NRXN1: variants seen among roughly 807,000 people sequenced by gnomAD.
NRXN1 encodes the protein neurexin 1, also known as neurexin-1.
A neutral mutation model predicts 150.9 loss-of-function variants in NRXN1; 39 were observed. The observed-to-expected ratio is 0.26, with a 90% CI of 0.20 to 0.34. The LOEUF (loss-of-function observed/expected upper bound fraction) is 0.34. Among genes scored for constraint, NRXN1 ranks in the 10% least tolerant of loss-of-function variants. The pLI is 1.00. For missense variants in NRXN1, 1,815 were observed against 1,949.9 expected (o/e 0.93, Z 1.30); for synonymous variants, 924 against 757.0 (o/e 1.22, Z -3.62).
chr2:50,965,157 C>T (rs1278285786), intron 2 of NRXN1, among the ~76,000 whole-genome samples: 1 of 151,152 alleles, frequency 6.6e-6, no homozygotes, highest in African/African-American at 2.4e-5. Flanking sequence ...TATATATACA[C>T]ACATATGTAT....
chr2:50,479,229 G>A (rs1029297844), intron 15 of NRXN1, among the ~76,000 whole-genome samples: 2 of 152,142 alleles, frequency 1.3e-5, no homozygotes, highest in African/African-American at 4.8e-5. Flanking sequence ...GTCAAACTTT[G>A]TTGGCAGCCT....
chr2:50,655,345 CTT>C (rs1444348814), intron 5 of NRXN1, among the ~76,000 whole-genome samples: 4 of 151,978 alleles, frequency 2.6e-5, no homozygotes, highest in African/African-American at 9.7e-5. Flanking sequence ...TCAAAAAACT[CTT>C]TCACTGTTTC....
chr2:50,745,923 T>A (rs954106702), intron 5 of NRXN1, among the ~76,000 whole-genome samples: 1 of 151,960 alleles, frequency 6.6e-6, no homozygotes, highest in African/African-American at 2.4e-5. Context: ...CTAAACCATA[T>A]CAGGTGGAAA....
chr2:51,017,580 C>G (rs1668921992), intron 2 of NRXN1, among the ~76,000 whole-genome samples: 1 of 125,846 alleles, frequency 7.9e-6, no homozygotes, highest in Non-Finnish European at 1.6e-5. Context: ...TGGTCTGGTA[C>G]TCTTGGACTC....
At chr2:50,990,898 A>G (rs1229520328) in intron 2 of NRXN1, among the ~76,000 whole-genome samples, 1 of 152,010 alleles carries the variant, frequency 6.6e-6, no homozygotes, top group Admixed American at 6.6e-5. Context: ...GTAACAACAG[A>G]CAGAGCAAAG....
At chr2:50,989,645 C>T (rs866129191) in intron 2 of NRXN1, among the ~76,000 whole-genome samples, 1 of 151,974 alleles carries the variant, frequency 6.6e-6, no homozygotes, top group South Asian at 2.1e-4. Flanking sequence ...GTTCTTCTTA[C>T]TGTTGAATAC....
At chr2:50,958,330 C>G (rs751978029) in intron 2 of NRXN1, among the ~76,000 whole-genome samples, 1 of 152,092 alleles carries the variant, frequency 6.6e-6, no homozygotes, top group Non-Finnish European at 1.5e-5. Flanking sequence ...AACTCTCAAA[C>G]GACACTGGCT....
intron 17 of NRXN1, among the ~76,000 whole-genome samples, chr2:50,393,085 G>T (rs551825788): frequency 1.3e-5 from 2 of 151,792 alleles, no homozygotes; most frequent in South Asian, 4.1e-4. Context: ...ATCAACAGGT[G>T]CCATCTCAAG....
chr2:49,957,397 C>T (rs928045506), intron 21 of NRXN1, among the ~76,000 whole-genome samples: 6 of 152,036 alleles, frequency 3.9e-5, no homozygotes, highest in Non-Finnish European at 7.4e-5. Context: ...ATGAATGGCT[C>T]TTGTAGACAT....
At chr2:50,354,586 TAC>T (rs1553484598) in intron 17 of NRXN1, among the ~76,000 whole-genome samples, 9 of 124,842 alleles carry the variant, frequency 7.2e-5, no homozygotes, top group African/African-American at 1.8e-4. Context: ...TATATATATA[TAC>T]ACACACACAC....
At chr2:50,141,868 A>G (rs1215764449) in intron 18 of NRXN1, among the ~76,000 whole-genome samples, 1 of 152,054 alleles carries the variant, frequency 6.6e-6, no homozygotes, top group African/African-American at 2.4e-5. Flanking sequence ...GTAAATTAGT[A>G]CAGCCATTAT....
chr2:50,989,798 A>T (rs1460899703), intron 2 of NRXN1, among the ~76,000 whole-genome samples: 1 of 152,038 alleles, frequency 6.6e-6, no homozygotes, highest in African/African-American at 2.4e-5. Flanking sequence ...GATGTAGAGA[A>T]AAGGACTTAC....
chr2:50,572,821 G>A (rs1358594899), intron 8 of NRXN1, among the ~76,000 whole-genome samples: 1 of 152,056 alleles, frequency 6.6e-6, no homozygotes, highest in Non-Finnish European at 1.5e-5. Context: ...TTTCTTAGTG[G>A]TCAAAACCTA....
intron 18 of NRXN1, among the ~76,000 whole-genome samples, chr2:50,212,855 G>T (rs2152845933): frequency 6.6e-6 from 1 of 152,030 alleles, no homozygotes; most frequent in African/African-American, 2.4e-5. Flanking sequence ...TTCTGCAAGG[G>T]TCAGGTAGGT....
intron 2 of NRXN1, among the ~76,000 whole-genome samples, chr2:50,955,965 T>A (rs559319644): frequency 1.2e-4 from 19 of 152,240 alleles, no homozygotes; most frequent in Admixed American, 1.0e-3. Context: ...ACATGAAACA[T>A]GTTTGTGAGA....
chr2:50,060,352 T>C (rs969390616), intron 19 of NRXN1, among the ~76,000 whole-genome samples: 3 of 152,110 alleles, frequency 2.0e-5, no homozygotes, highest in Non-Finnish European at 2.9e-5. Flanking sequence ...AACAGATATA[T>C]TTACCCAATG....
intron 19 of NRXN1, among the ~76,000 whole-genome samples, chr2:50,060,276 C>T (rs967832508): frequency 6.6e-6 from 1 of 152,044 alleles, no homozygotes; most frequent in Non-Finnish European, 1.5e-5. Flanking sequence ...ATTTGACTGC[C>T]CCACTGTATT....
At chr2:50,583,598 G>A (rs530646977) in intron 8 of NRXN1, among the ~76,000 whole-genome samples, 76 of 152,156 alleles carry the variant, frequency 5.0e-4, no homozygotes, top group African/African-American at 1.7e-3. Context: ...GATATATAGG[G>A]GTACTCATCT....
At chr2:50,695,739 T>C (rs1183553399) in intron 5 of NRXN1, among the ~76,000 whole-genome samples, 2 of 152,150 alleles carry the variant, frequency 1.3e-5, no homozygotes, top group African/African-American at 4.8e-5. Flanking sequence ...AATGGTTAGA[T>C]ATCGCTTTTT....
Sources: gnomAD v4.1 joint callset for allele counts (sites outside exome capture counted in the v4.1 genomes callset) on GRCh38, gnomAD v4.1.1 for gene constraint, MANE v1.5 for transcripts, NCBI Gene and HGNC (gene_info 2026-07-23, HGNC 2026-07-21) for gene names.